SEC16A: variants seen among roughly 807,000 people sequenced by gnomAD.
SEC16A encodes the protein protein transport protein Sec16A.
A neutral mutation model predicts 221.9 loss-of-function variants in SEC16A; 110 were observed. The ratio of observed to expected loss-of-function variants is 0.50; its 90% CI spans 0.42 to 0.58. The LOEUF is 0.58. Ranked by LOEUF, SEC16A falls within the 20% of genes least tolerant of loss-of-function variation. The pLI, the probability that SEC16A is intolerant of heterozygous loss-of-function variation, is 0.00. For synonymous variants in SEC16A, 1,393 were observed against 1,257.7 expected (o/e 1.11, Z -2.28); for missense variants, 3,165 against 3,097.8 (o/e 1.02, Z -0.52).
intron 5 of SEC16A, among the ~76,000 whole-genome samples, chr9:136,467,991 G>A (rs556044632): frequency 3.3e-5 from 5 of 152,256 alleles, no homozygotes; most frequent in Non-Finnish European, 7.3e-5. Flanking sequence ...ACCGCCCCAG[G>A]CAGCAGCTGC....
rs1361049452 is a variant in SEC16A at position 136,477,052 on chromosome 9, C to A, written c.564G>T (p.Arg188Ser). 6.2e-7 allele frequency: 1 copy of A among 1,613,796 alleles called. No homozygotes were observed. Among genetic ancestry groups the A allele is most frequent in the Non-Finnish European group, 8.5e-7 (1 of 1,179,884 alleles). Reference sequence around the variant, plus strand: ...TGACCACACCGTCATGTGGGTTTTGCCTGCTCAGGGGTCGGTCGAGCCCAG... The same window carrying A: ...TGACCACACCGTCATGTGGGTTTTGACTGCTCAGGGGTCGGTCGAGCCCAG... ...NMPGLDRPLS[R>S]QNPHDGVVTP... The change falls in exon 3 of 32, where the codon AGG becomes AGT. Residue 188 changes from arginine to serine, a missense_variant. Arg to Ser is a moderately radical substitution (Grantham distance 110, BLOSUM62 -1). This residue lies in a region of SEC16A where 2,030 missense variants were observed against 1,923.1 expected (regional missense o/e 1.06). Coordinates refer to ENST00000684901, the MANE Select transcript of SEC16A (RefSeq NM_014866.2).
In SEC16A at chr9:136,475,341, GAAC is replaced by G. The variant is rs1412981736; in HGVS notation, c.2272_2274del (p.Val758del). ...CCGGACATCGCCTCTTCTGGAGGCT[GAAC>G]AACAGGTGGCTGAGGTTTTGCACAC... On this transcript the variant is annotated inframe_deletion, in exon 3 of 32. Transcript: ENST00000684901. This position sits in a 1 kb window ranked among gnomAD's most constrained non-coding sequence, Gnocchi z 5.0. 3.7e-6 allele frequency: 6 copies of G among 1,610,536 alleles called. No homozygotes were observed. In the African/African-American group the frequency reaches 5.3e-5, roughly 14 times the overall value.
At chr9:136,479,777 G>A (rs1020222555) in intron 1 of SEC16A, among the ~76,000 whole-genome samples, 6 of 152,166 alleles carry the variant, frequency 3.9e-5, no homozygotes, top group South Asian at 4.1e-4. Flanking sequence ...ACTTTGGGAG[G>A]TAGGAGGACC....
rs1355115036 is a variant in SEC16A at position 136,441,490 on chromosome 9, A to ACT, written c.*263_*264dup. On this transcript the variant is annotated 3_prime_UTR_variant, in exon 32 of 32. Transcript: ENST00000684901. ...CTATATCCTTAAATCATCCTAAATGACTAAGAAAGTCACATCATTCTTTTC... is the reference window on the plus strand; with the variant it reads ...CTATATCCTTAAATCATCCTAAATGACTCTAAGAAAGTCACATCATTCTTTTC... The ACT allele has an allele frequency of 3.7e-6, 2 of 535,128 alleles. No homozygotes were observed. The highest frequency in any genetic ancestry group is 1.9e-5 in the African/African-American group (1 of 52,636). 33.1% of individuals were successfully genotyped at this position (535,128 alleles called of 1,614,324 possible). A position where few individuals can be genotyped will look rare whatever the true frequency, so the allele number is the denominator to read the frequency against.
rs766762584 is a variant in SEC16A, at chr9:136,477,590, G to A, written c.26C>T (p.Pro9Leu). 19 of 1,610,896 alleles carry A rather than the reference G, an allele frequency of 1.2e-5. No homozygotes were observed. The Admixed American group carries it at 2.5e-4, about 21-fold the overall frequency. The change falls in exon 3 of 32, where the codon CCG becomes CTG. Residue 9 changes from proline to leucine, a missense_variant. Pro to Leu is a moderately conservative substitution (Grantham distance 98, BLOSUM62 -3). This residue lies in a region of SEC16A where 2,030 missense variants were observed against 1,923.1 expected (regional missense o/e 1.06). Coordinates refer to ENST00000684901, the MANE Select transcript of SEC16A (RefSeq NM_014866.2). MQPPPQTV[P>L]SGMAGPPPAG... The stretch of plus-strand genomic sequence containing the variant: ...TGGAGGTGGCCCAGCCATGCCAGAC[G>A]GGACCGTCTGGGGCGGTGGCTGCAT...
Position 136,476,210 on chromosome 9 carries a change from T to G in SEC16A, c.1406A>C (p.Glu469Ala), listed in dbSNP as rs1458195956. The G allele has an allele frequency of 2.5e-6, 4 of 1,613,654 alleles. No individual in the cohort carries two copies. The African/African-American group carries it at 5.3e-5, about 22-fold the overall frequency. ...ATTGAGGGGCTCACTTGGCAGAACT[T>G]CTTGATTCTGAACAAATTCTAAGTT... ...VENLEFVQNQ[E>A]VLPSEPLNLD... The change falls in exon 3 of 32, where the codon GAA becomes GCA. Residue 469 changes from glutamate (E) to alanine (A), a missense_variant. This residue lies in a region of SEC16A where 2,030 missense variants were observed against 1,923.1 expected (regional missense o/e 1.06). Transcript: ENST00000684901.
In SEC16A at chr9:136,454,168, C is replaced by T. The variant is rs1306808497; in HGVS notation, c.6017G>A (p.Gly2006Asp). The T allele has an allele frequency of 6.4e-7, 1 of 1,557,554 alleles. No homozygotes were observed. The highest frequency in any genetic ancestry group is 1.9e-5 in the Admixed American group (1 of 51,578). ...LEPSGPGLPP[G>D]VPPLQERRHL... ...TCTCCTTTCCTGCAGAGGTGGCACA[C>T]CAGGTGGGAGGCCAGGCCCGGAGGG... Residue 2006 changes from glycine (G) to aspartate (D), a missense_variant, in exon 21 of 32, where the codon GGT becomes GAT. Physicochemically the swap from Gly to Asp is moderately conservative, Grantham distance 94 (BLOSUM62 -1). This residue lies in a region of SEC16A where 1,088 missense variants were observed against 1,089.6 expected (regional missense o/e 1.00). Transcript: ENST00000684901.
chr9:136,440,206 G>A lies in SEC16A; in HGVS notation c.*1549C>T, dbSNP rs960674080. 3 of 152,402 alleles carry A rather than the reference G, an allele frequency of 2.0e-5. No homozygotes were observed. The highest frequency in any genetic ancestry group is 4.4e-5 in the Non-Finnish European group (3 of 68,054). The allele number at this position is 152,402 out of a possible 1,614,324, so 9.4% of individuals were successfully genotyped here. On this transcript the variant is annotated 3_prime_UTR_variant, in exon 32 of 32. Transcript: ENST00000684901. Reference sequence around the variant, plus strand: ...CTGGAGGAAGCTTCTTGAATCAAAAGTCGTGGCAGTCGACCCCAGAACAGC... The same window carrying A: ...CTGGAGGAAGCTTCTTGAATCAAAAATCGTGGCAGTCGACCCCAGAACAGC...
rs1416023648 is a variant in SEC16A, at chr9:136,474,556, C to T, written c.3060G>A (p.Gln1020=). 24 of 1,612,722 alleles carry T rather than the reference C, an allele frequency of 1.5e-5. No homozygotes were observed. Among genetic ancestry groups the T allele is most frequent in the South Asian group, 4.4e-5 (4 of 91,052 alleles). Residue 1020 remains glutamine (Q), a synonymous_variant, in exon 3 of 32, where the codon CAG becomes CAA. Coordinates refer to ENST00000684901, the MANE Select transcript of SEC16A (RefSeq NM_014866.2). ...NPSHSDSLAS[Q]QSVASHPRQS... is the part of the protein sequence containing the mutation. ...GTCTGGGATGACTGGCAACACTTTG[C>T]TGAGAAGCGAGGCTGTCAGAATGGG...
intron 20 of SEC16A, 51 bp from the exon 21 acceptor site, chr9:136,454,378 G>A (rs1588907145): frequency 6.7e-7 from 1 of 1,483,408 alleles, no homozygotes; most frequent in East Asian, 2.5e-5. Flanking sequence ...GGTAGCTTGA[G>A]TTACTGGAAG....
At chr9:136,470,462 C>G (rs1840712729) in intron 4 of SEC16A, among the ~76,000 whole-genome samples, 3 of 152,378 alleles carry the variant, frequency 2.0e-5, no homozygotes, top group South Asian at 2.1e-4. Context: ...TAGGAAACAC[C>G]TGTCTGCTCA....
At chr9:136,483,450 CTCG>C, upstream of SEC16A, 3 of 756,970 alleles carry the variant, frequency 4.0e-6, no homozygotes, top group Non-Finnish European at 4.8e-6. Flanking sequence ...GGCCCCGCCC[CTCG>C]GCCGTCCTTC....
rs550704329 is a variant in SEC16A, at chr9:136,461,164, T to C, written c.4991+13A>G. The C allele has an allele frequency of 1.3e-6, 2 of 1,589,392 alleles. No homozygotes were observed. The highest frequency in any genetic ancestry group is 1.3e-5 in the African/African-American group (1 of 74,558). On this transcript the variant is annotated intron_variant, in intron 13 of 31. Coordinates refer to ENST00000684901, the MANE Select transcript of SEC16A (RefSeq NM_014866.2). ...AGGGCTCGCCACTGGACCAGGCCAC[T>C]GTGGGACTGTACCTGGTCATGACTC...
intron 4 of SEC16A, among the ~76,000 whole-genome samples, chr9:136,468,802 A>T (rs1227919192): frequency 6.6e-6 from 1 of 152,226 alleles, no homozygotes; most frequent in Non-Finnish European, 1.5e-5. Flanking sequence ...TGCTAAAATA[A>T]GTCCTAGAAT....
In SEC16A at chr9:136,445,567, A is replaced by G. The variant is rs977816487; in HGVS notation, c.6867+78T>C. 40 of 1,097,400 alleles carry G rather than the reference A, an allele frequency of 3.6e-5. No individual in the cohort carries two copies. The Admixed American group carries it at 8.7e-4, about 24-fold the overall frequency. The allele number at this position is 1,097,400 out of a possible 1,614,324, so 68.0% of individuals were successfully genotyped here. A position where few individuals can be genotyped will look rare whatever the true frequency, so the allele number is the denominator to read the frequency against. ...TCTTCCTACCCAGTACCGCCCCTCC[A>G]TAAAGGAAGAGGCGCCTGGACAGTG... On this transcript the variant is annotated intron_variant, in intron 29 of 31. Transcript: ENST00000684901.
Position 136,459,153 on chromosome 9 carries a change from C to A in SEC16A, c.5390G>T (p.Cys1797Phe). 2 of 1,611,226 alleles carry A rather than the reference C, an allele frequency of 1.2e-6. No individual in the cohort carries two copies. Among genetic ancestry groups the A allele is most frequent in the Non-Finnish European group, 1.7e-6 (2 of 1,178,158 alleles). The stretch of plus-strand genomic sequence containing the variant: ...GCTTACCTGGAAACTAGGCAGGGGG[C>A]AGGTCTCGGCACCCAGGGACTGGGC... Reference protein sequence around the residue: ...EYAQSLGAETCPLPSFQVFKF... With the variant: ...EYAQSLGAETFPLPSFQVFKF... Residue 1797 changes from cysteine to phenylalanine, a missense_variant, in exon 17 of 32, where the codon TGC (cysteine) becomes TTC (phenylalanine). Transcript: ENST00000684901. This position sits in a 1 kb window ranked among gnomAD's most constrained non-coding sequence, Gnocchi z 6.1.
chr9:136,446,978 A>G, intron 27 of SEC16A, 29 bp from the exon 28 acceptor site: 3 of 1,613,374 alleles, frequency 1.9e-6, no homozygotes, highest in African/African-American at 1.3e-5. Flanking sequence ...GGAGGCCATC[A>G]TTCCGTCCCG....
rs1836155480 is a variant in SEC16A, at chr9:136,441,243, G to A, written c.*512C>T. 6.3e-6 allele frequency: 1 copy of A among 158,468 alleles called. No individual in the cohort carries two copies. Among genetic ancestry groups the A allele is most frequent in the Non-Finnish European group, 1.4e-5 (1 of 71,214 alleles). The allele number at this position is 158,468 out of a possible 1,614,324, so 9.8% of individuals were successfully genotyped here. On this transcript the variant is annotated 3_prime_UTR_variant, in exon 32 of 32. Coordinates refer to ENST00000684901, the MANE Select transcript of SEC16A (RefSeq NM_014866.2). ...ACAGCGCCCTCCACTCATTCAGCCA[G>A]GTTCAAACACGGCGAGGGCCCAGAT...
rs187758877 is a variant in SEC16A, at chr9:136,462,582, G to A, written c.4893+305C>T. Among the ~76,000 whole-genome samples the A allele has an allele frequency of 1.2e-4, 18 of 152,318 alleles. No homozygotes were observed. In the East Asian group the frequency reaches 3.5e-3, roughly 29 times the overall value. On this transcript the variant is annotated intron_variant, in intron 12 of 31. Transcript: ENST00000684901. ...AACTTGTGTCATGCACATTTCATCC[G>A]AGATTTGGCACACACAGCAGGGGCA... is the stretch of plus-strand genomic sequence containing the variant.
Sources: allele counts gnomAD v4.1 joint callset (sites outside exome capture counted in the v4.1 genomes callset), GRCh38; gene constraint gnomAD v4.1.1; regional missense constraint gnomAD v4.1.1; non-coding constraint Gnocchi (gnomAD v3.1); transcripts MANE v1.5; gene names NCBI Gene and HGNC (gene_info 2026-07-23, HGNC 2026-07-21).